Variants in FMN2 observed in about 807,000 individuals in gnomAD.
The protein encoded by FMN2 is formin-2.
A neutral mutation model predicts 142.3 loss-of-function variants in FMN2; 51 were observed. The ratio of observed to expected loss-of-function variants is 0.36; its 90% CI spans 0.29 to 0.45. The LOEUF is 0.45. Among genes scored for constraint, FMN2 ranks in the 20% least tolerant of loss-of-function variants. The pLI is 1.00. For missense variants in FMN2, 1,936 were observed against 2,122.8 expected, an observed-to-expected ratio of 0.91 and a Z score of 1.73; for synonymous variants, 882 against 869.8, an observed-to-expected ratio of 1.01 and a Z score of -0.25.
At chr1:240,460,442 C>T (rs369052377) in intron 16 of FMN2, among the ~76,000 whole-genome samples, 3 of 151,924 alleles carry the variant, frequency 2.0e-5, no homozygotes, top group Non-Finnish European at 4.4e-5. Context: ...AAGTACAAAA[C>T]TTAGCTGGGC....
intron 2 of FMN2, among the ~76,000 whole-genome samples, chr1:240,147,572 A>T (rs1340090975): frequency 1.3e-5 from 2 of 152,060 alleles, no homozygotes; most frequent in African/African-American, 4.8e-5. Flanking sequence ...AGCTCACTGC[A>T]GCCTGGAATC....
chr1:240,217,618 A>G (rs927699938), intron 6 of FMN2, among the ~76,000 whole-genome samples: 1 of 152,140 alleles, frequency 6.6e-6, no homozygotes, highest in Non-Finnish European at 1.5e-5. Context: ...AGACAAGCAT[A>G]GGTTTTGTGG....
At chr1:240,221,233 A>G (rs1055410673) in intron 6 of FMN2, among the ~76,000 whole-genome samples, 1 of 152,216 alleles carries the variant, frequency 6.6e-6, no homozygotes, top group Non-Finnish European at 1.5e-5. Context: ...GTATATACCC[A>G]GTAATGGGAT....
chr1:240,303,525 G>A (rs1308642868), intron 8 of FMN2, among the ~76,000 whole-genome samples: 2 of 152,180 alleles, frequency 1.3e-5, no homozygotes, highest in African/African-American at 4.8e-5. Context: ...GAAATCTGCA[G>A]AGATTCTTAT....
In FMN2 at chr1:240,405,614, G is replaced by A. The variant is rs563989456; in HGVS notation, c.4910+13052G>A. ...GCCTGGGCGACAAGAGCAAAACTCC[G>A]TCTCAAAAAAAAAAAAAAAGAATGT... On this transcript the variant is annotated intron_variant, in intron 15 of 17. Transcript: ENST00000319653. Among the ~76,000 whole-genome samples the A allele has an allele frequency of 1.4e-3, 189 of 134,972 alleles. 1 individual carries two copies. The highest frequency in any genetic ancestry group is 5.5e-3 in the African/African-American group (178 of 32,626). 88.5% of individuals were successfully genotyped at this position (134,972 alleles called of 152,430 possible).
At chr1:240,190,901 G>C (rs1665671783) in intron 4 of FMN2, among the ~76,000 whole-genome samples, 1 of 152,114 alleles carries the variant, frequency 6.6e-6, no homozygotes, top group Admixed American at 6.5e-5. Context: ...ACTAACTTTA[G>C]TGCTTTGTTA....
intron 16 of FMN2, among the ~76,000 whole-genome samples, chr1:240,455,067 G>A (rs931136127): frequency 4.0e-5 from 6 of 151,820 alleles, no homozygotes; most frequent in South Asian, 4.2e-4. Flanking sequence ...ATCACTCACA[G>A]CACACTTTGC....
At chr1:240,351,921 A>ATCATGGATGTGTATGATG (rs1672109834) in intron 13 of FMN2, among the ~76,000 whole-genome samples, 2 of 151,126 alleles carry the variant, frequency 1.3e-5, no homozygotes, top group Non-Finnish European at 3.0e-5. Context: ...TGTGTATGAT[A>ATCATGGATGTGTATGATG]TCATGGATGT....
chr1:240,209,269 G>T (rs1189829277), intron 5 of FMN2, among the ~76,000 whole-genome samples: 2 of 150,878 alleles, frequency 1.3e-5, no homozygotes, highest in Admixed American at 6.6e-5. Context: ...TTTTGGAGGG[G>T]GGACGGAGTC....
intron 7 of FMN2, among the ~76,000 whole-genome samples, chr1:240,277,517 A>G (rs980491664): frequency 1.6e-5 from 2 of 122,380 alleles, no homozygotes; most frequent in African/African-American, 6.7e-5. Context: ...AAGTACCTGC[A>G]TCTTCTTCTT....
chr1:240,243,378 A>G (rs559574282), intron 6 of FMN2, among the ~76,000 whole-genome samples: 2 of 152,338 alleles, frequency 1.3e-5, no homozygotes, highest in African/African-American at 4.8e-5. Flanking sequence ...ATAGCCAACA[A>G]CAGTATGTCT....
At chr1:240,183,877 A>G (rs1665259742) in intron 3 of FMN2, among the ~76,000 whole-genome samples, 1 of 152,224 alleles carries the variant, frequency 6.6e-6, no homozygotes, top group Non-Finnish European at 1.5e-5. Context: ...CTGGATTTGA[A>G]TCAAACTGGT....
At chr1:240,438,299 G>GA (rs1558107062) in intron 16 of FMN2, 89 bp downstream of exon 16, 2 of 1,365,946 alleles carry the variant, frequency 1.5e-6, no homozygotes, top group African/African-American at 2.9e-5. Flanking sequence ...GTAGCCTGAA[G>GA]AAAAAATTAG....
rs1376978937 is a variant in FMN2, at chr1:240,172,128, G to A, written c.1783-5793G>A. Among the ~76,000 whole-genome samples, 2 of 152,004 alleles carry A rather than the reference G, an allele frequency of 1.3e-5. 1 individual carries two copies. Among genetic ancestry groups the A allele is most frequent in the Admixed American group, 1.3e-4 (2 of 15,258 alleles). On this transcript the variant is annotated intron_variant, in intron 2 of 17. Transcript: ENST00000319653. ...GAGAAAACAAGGGAATGTAGGATTT[G>A]GTAACTGGTAGCTAGAAACTCATAT...
rs146703647 is a variant in FMN2 at position 240,185,145 on chromosome 1, C to CT, written c.1931-3060dup. 5.0e-3 allele frequency among the ~76,000 whole-genome samples: 272 copies of CT among 53,982 alleles called. 1 individual carries two copies. The highest frequency in any genetic ancestry group is 0.017 in the Middle Eastern group (1 of 60). 35.4% of individuals were successfully genotyped at this position (53,982 alleles called of 152,430 possible). A position where few individuals can be genotyped will look rare whatever the true frequency, so the allele number is the denominator to read the frequency against. On this transcript the variant is annotated intron_variant, in intron 3 of 17. Transcript: ENST00000319653. Reference sequence around the variant, plus strand: ...CCCCTTCTCTTTCTCCCTCCTATACCTTCCCCTTCTCTTTCTCCCTCCTAC... The same window carrying CT: ...CCCCTTCTCTTTCTCCCTCCTATACCTTTCCCCTTCTCTTTCTCCCTCCTAC...
intron 8 of FMN2, among the ~76,000 whole-genome samples, chr1:240,327,186 G>T (rs1289782559): frequency 6.6e-6 from 1 of 152,192 alleles, no homozygotes; most frequent in Non-Finnish European, 1.5e-5. Context: ...GATATTTGCA[G>T]TGAAATGTAC....
intron 6 of FMN2, among the ~76,000 whole-genome samples, chr1:240,226,712 G>C (rs74454927): frequency 4.6e-5 from 7 of 152,084 alleles, no homozygotes; most frequent in African/African-American, 1.7e-4. Context: ...CTGGGTGGTA[G>C]AATGAGACCT....
At chr1:240,149,441 G>A (rs919416487) in intron 2 of FMN2, among the ~76,000 whole-genome samples, 2 of 152,104 alleles carry the variant, frequency 1.3e-5, no homozygotes, top group African/African-American at 2.4e-5. Flanking sequence ...CTTTGTTGTT[G>A]GTTAATTCTA....
intron 14 of FMN2, among the ~76,000 whole-genome samples, chr1:240,359,791 C>T (rs1558451700): frequency 6.6e-6 from 1 of 152,224 alleles, no homozygotes; most frequent in Non-Finnish European, 1.5e-5. Flanking sequence ...AAAAATTGTT[C>T]TGACGGCCAC....
Sources: allele counts gnomAD v4.1 joint callset (sites outside exome capture counted in the v4.1 genomes callset), GRCh38; gene constraint gnomAD v4.1.1; transcripts MANE v1.5; gene names NCBI Gene and HGNC (gene_info 2026-07-23, HGNC 2026-07-21).